NFIC: variants seen among roughly 807,000 people sequenced by gnomAD.
The protein encoded by NFIC is nuclear factor 1 C-type.
A neutral mutation model predicts 54.4 loss-of-function variants in NFIC; 12 were observed. That is an observed-to-expected ratio of 0.22 (90% CI 0.14 to 0.36). The LOEUF is 0.36. NFIC is among the 10% of genes least tolerant of loss of function. The pLI is 1.00. For missense variants in NFIC, 575 were observed against 718.2 expected (o/e 0.80, Z 2.28); for synonymous variants, 322 against 319.2 (o/e 1.01, Z -0.09).
intron 3 of NFIC, among the ~76,000 whole-genome samples, chr19:3,433,240 C>T (rs2082149069): frequency 6.6e-6 from 1 of 152,268 alleles, no homozygotes; most frequent in South Asian, 2.1e-4. Context: ...GCTGGGATTA[C>T]AGGCATGAGC....
chr19:3,435,328 G>T (rs2082183819), intron 6 of NFIC, 121 bp downstream of exon 6: 3 of 1,355,546 alleles, frequency 2.2e-6, no homozygotes, highest in South Asian at 1.5e-5. Flanking sequence ...GAGCCGCGGG[G>T]CCTCCTGGGA....
Position 3,465,449 on chromosome 19 carries a change from AAAAAAGG to A in NFIC, c.*2683_*2689del. The A allele has an allele frequency of 6.7e-6, 1 of 149,604 alleles. No homozygotes were observed. Among genetic ancestry groups the A allele is most frequent in the Middle Eastern group, 3.4e-3 (1 of 292 alleles). 9.3% of individuals were successfully genotyped at this position (149,604 alleles called of 1,614,324 possible). On this transcript the variant is annotated 3_prime_UTR_variant, in exon 11 of 11. Transcript: ENST00000443272. The stretch of plus-strand genomic sequence containing the variant: ...AGAATCTAAAAAAAAAAAAAAAAAA[AAAAAAGG>A]AAGAAAAACCACGCTAAAAATCAAG...
In NFIC at chr19:3,467,852, TTCTC is replaced by T. The variant is rs996790934; in HGVS notation, c.*5089_*5092del. ...TGGCTACCTTGTATCTTGGTCTGGATTCTCTCTCTGAGACCCCGGATTTTACTTT... is the reference window on the plus strand; with the variant it reads ...TGGCTACCTTGTATCTTGGTCTGGATTCTCTGAGACCCCGGATTTTACTTT... On this transcript the variant is annotated 3_prime_UTR_variant, in exon 11 of 11. Coordinates refer to ENST00000443272, the MANE Select transcript of NFIC (RefSeq NM_001245002.2). The T allele has an allele frequency of 4.0e-5, 6 of 148,246 alleles. No homozygotes were observed. Among genetic ancestry groups the T allele is most frequent in the African/African-American group, 1.5e-4 (6 of 39,638 alleles). The allele number at this position is 148,246 out of a possible 1,614,324, so 9.2% of individuals were successfully genotyped here. A position where few individuals can be genotyped will look rare whatever the true frequency, so the allele number is the denominator to read the frequency against.
At position 3,381,849 on chromosome 19, in the gene NFIC, G is replaced by C; in HGVS notation, c.168G>C (p.Ala56=). The change falls in exon 2 of 11, where the codon GCG becomes GCC. Residue 56 remains alanine, a synonymous_variant. Transcript: ENST00000443272. ...GGATGTCGAAGGACGAGGAGCGTGC[G>C]GTCAAGGACGAGCTGCTGGGCGAGA... ...EKRMSKDEER[A]VKDELLGEKP... is the part of the protein sequence containing the mutation. The C allele has an allele frequency of 1.2e-6, 2 of 1,614,032 alleles. No homozygotes were observed. Among genetic ancestry groups the C allele is most frequent in the Non-Finnish European group, 1.7e-6 (2 of 1,179,966 alleles).
rs200221249 is a variant in NFIC, at chr19:3,435,172, G to A, written c.923G>A (p.Ser308Asn). ...DYYTSPSSPT[S>N]SSRNWTEDME... ...TACACTTCGCCCAGCTCGCCCACGA[G>A]TAGCAGCCGCAACTGGACGGAGGAC... is the stretch of plus-strand genomic sequence containing the variant. Residue 308 changes from serine (S) to asparagine (N), a missense_variant, in exon 6 of 11, where the codon AGT (serine) becomes AAT (asparagine). Around this residue, in one of 3 missense-constraint regions of NFIC, gnomAD observed 447 missense variants for 526.9 expected, o/e 0.85. Coordinates refer to ENST00000443272, the MANE Select transcript of NFIC (RefSeq NM_001245002.2). 7.5e-6 allele frequency: 12 copies of A among 1,605,796 alleles called. No homozygotes were observed. The South Asian group carries it at 1.2e-4, about 16-fold the overall frequency.
chr19:3,361,806 G>T (rs182703858), upstream of NFIC, among the ~76,000 whole-genome samples: 53 of 151,962 alleles, frequency 3.5e-4, no homozygotes, highest in East Asian at 6.8e-3. Flanking sequence ...CCCCATTTTG[G>T]GTTCTGTGCA....
At chr19:3,367,538 G>A (rs1416048271) in intron 1 of NFIC, among the ~76,000 whole-genome samples, 1 of 152,126 alleles carries the variant, frequency 6.6e-6, no homozygotes, top group Non-Finnish European at 1.5e-5. Flanking sequence ...GACTGCCCCG[G>A]GGCCGAGCCT....
intron 2 of NFIC, among the ~76,000 whole-genome samples, chr19:3,384,156 G>A (rs970184218): frequency 4.0e-5 from 6 of 150,220 alleles, no homozygotes; most frequent in South Asian, 4.3e-4. Context: ...CCAGGCTCAA[G>A]CAATCCTCCT....
intron 4 of NFIC, 61 bp downstream of exon 4, chr19:3,433,653 A>G (rs1195569391): frequency 1.3e-6 from 2 of 1,547,940 alleles, no homozygotes; most frequent in African/African-American, 1.4e-5. Context: ...GCAGGGAGGA[A>G]GGAGCCCACC....
At chr19:3,368,889 CTT>C (rs987650156) in intron 1 of NFIC, among the ~76,000 whole-genome samples, 3 of 150,136 alleles carry the variant, frequency 2.0e-5, no homozygotes, top group East Asian at 2.0e-4. Context: ...GTCTTTCTCT[CTT>C]TCTCTCTGTC....
chr19:3,382,336 G>T, intron 2 of NFIC, 93 bp downstream of exon 2: 2 of 1,500,506 alleles, frequency 1.3e-6, no homozygotes, highest in Non-Finnish European at 1.8e-6. Flanking sequence ...GGAGGCCAGT[G>T]CGTGTGGGTA....
chr19:3,404,200 G>C (rs901629117), intron 2 of NFIC, among the ~76,000 whole-genome samples: 22 of 127,502 alleles, frequency 1.7e-4, no homozygotes, highest in Non-Finnish European at 2.3e-4. Flanking sequence ...GGGGGTGTGG[G>C]GAGGCCTCAG....
chr19:3,428,205 G>T (rs528403119), intron 3 of NFIC, among the ~76,000 whole-genome samples: 2 of 150,266 alleles, frequency 1.3e-5, no homozygotes, highest in East Asian at 4.0e-4. Context: ...AGAAAAAGAA[G>T]GAAGGGGCCA....
chr19:3,398,067 C>G (rs1465708043), intron 2 of NFIC, among the ~76,000 whole-genome samples: 2 of 152,164 alleles, frequency 1.3e-5, no homozygotes, highest in Non-Finnish European at 2.9e-5. Flanking sequence ...ATTTTGCACA[C>G]AGTTGACACT....
intron 6 of NFIC, among the ~76,000 whole-genome samples, chr19:3,439,630 G>A (rs913084778): frequency 6.0e-5 from 9 of 150,548 alleles, no homozygotes; most frequent in Admixed American, 1.3e-4. Context: ...CAACAAGAGC[G>A]AAACTCCATC....
In NFIC at chr19:3,435,227, C is replaced by A. The variant is rs767715982; in HGVS notation, c.958+20C>A. 1.3e-6 allele frequency: 2 copies of A among 1,551,954 alleles called. No homozygotes were observed. Among genetic ancestry groups the A allele is most frequent in the Non-Finnish European group, 1.8e-6 (2 of 1,142,220 alleles). On this transcript the variant is annotated intron_variant, in intron 6 of 10. Transcript: ENST00000443272. The stretch of plus-strand genomic sequence containing the variant: ...AAGGAGGTAGGGCTGGTGGCGGGGG[C>A]GGAGCCGGCCTTCCGGTCTGAGTCA...
intron 1 of NFIC, among the ~76,000 whole-genome samples, chr19:3,380,053 T>C (rs1466153922): frequency 6.6e-6 from 1 of 151,424 alleles, no homozygotes; most frequent in African/African-American, 2.4e-5. Context: ...CAGGCTGGAG[T>C]GCAGTGGCGC....
intron 2 of NFIC, among the ~76,000 whole-genome samples, chr19:3,401,995 T>G (rs1235292674): frequency 3.3e-5 from 5 of 152,038 alleles, no homozygotes; most frequent in African/African-American, 4.8e-5. Flanking sequence ...GTTCTAGGAT[T>G]ACAGGTGTGA....
At chr19:3,379,673 C>CTTTTTTTTTTTTTTTTT (rs370082450) in intron 1 of NFIC, among the ~76,000 whole-genome samples, 3 of 102,538 alleles carry the variant, frequency 2.9e-5, no homozygotes, top group Admixed American at 1.1e-4. Context: ...TTATTTCTTT[C>CTTTTTTTTTTTTTTTTT]TTTTTTTTTT....
Sources: allele counts gnomAD v4.1 joint callset (sites outside exome capture counted in the v4.1 genomes callset), GRCh38; gene constraint gnomAD v4.1.1; regional missense constraint gnomAD v4.1.1; transcripts MANE v1.5; gene names NCBI Gene and HGNC (gene_info 2026-07-23, HGNC 2026-07-21).